Variants in KIAA1217 observed in about 807,000 individuals in gnomAD.
KIAA1217 encodes KIAA1217.
Under a neutral mutation model 163.9 loss-of-function variants are expected in KIAA1217, and 88 were observed. The observed-to-expected ratio is 0.54, with a 90% CI of 0.45 to 0.64. KIAA1217 has a LOEUF of 0.64. Ranked by LOEUF, KIAA1217 falls within the 30% of genes least tolerant of loss-of-function variation. KIAA1217 has a pLI of 0.00. For synonymous variants in KIAA1217, 903 were observed against 923.1 expected (o/e 0.98, Z 0.39); for missense variants, 2,372 against 2,475.0 (o/e 0.96, Z 0.88).
intron 2 of KIAA1217, among the ~76,000 whole-genome samples, chr10:24,285,210 T>A (rs1426662172): frequency 6.6e-6 from 1 of 152,256 alleles, no homozygotes; most frequent in Admixed American, 6.5e-5. Context: ...TCTTTTGCTG[T>A]GCAGAAGCTC....
intron 2 of KIAA1217, among the ~76,000 whole-genome samples, chr10:24,283,911 T>C (rs1490302367): frequency 1.4e-5 from 1 of 72,214 alleles, no homozygotes; most frequent in Non-Finnish European, 3.6e-5. Context: ...TTTCCTTTAT[T>C]TTTTTTTTAT....
chr10:24,326,491 G>A (rs892962592), intron 2 of KIAA1217, among the ~76,000 whole-genome samples: 3 of 152,058 alleles, frequency 2.0e-5, no homozygotes, highest in African/African-American at 7.2e-5. Flanking sequence ...TTATAAAATA[G>A]CTGTTGTAGT....
intron 10 of KIAA1217, among the ~76,000 whole-genome samples, chr10:24,517,693 C>T (rs1336924153): frequency 6.6e-6 from 1 of 152,054 alleles, no homozygotes; most frequent in Non-Finnish European, 1.5e-5. Context: ...GAAACTTGGG[C>T]CTAAAACTGT....
chr10:24,477,753 T>G (rs572349942), intron 6 of KIAA1217, among the ~76,000 whole-genome samples: 2 of 152,234 alleles, frequency 1.3e-5, no homozygotes, highest in Non-Finnish European at 2.9e-5. Flanking sequence ...CTTGGTAGAC[T>G]TCATTTTTTT....
intron 2 of KIAA1217, among the ~76,000 whole-genome samples, chr10:24,168,870 A>G (rs1408433729): frequency 2.6e-5 from 4 of 152,216 alleles, no homozygotes; most frequent in Non-Finnish European, 5.9e-5. Context: ...CAGAATCTAA[A>G]GAGGCCATTT....
At chr10:24,192,316 G>T in intron 2 of KIAA1217, among the ~76,000 whole-genome samples, 1 of 152,104 alleles carries the variant, frequency 6.6e-6, no homozygotes, top group Non-Finnish European at 1.5e-5. Flanking sequence ...TTTCTTCCAG[G>T]TATAGGGAGG....
chr10:24,083,261 CA>C (rs1468858006), intron 2 of KIAA1217, among the ~76,000 whole-genome samples: 3 of 152,200 alleles, frequency 2.0e-5, no homozygotes, highest in Non-Finnish European at 4.4e-5. Context: ...TTTTGTGCCA[CA>C]GATGACTATT....
intron 17 of KIAA1217, among the ~76,000 whole-genome samples, chr10:24,538,126 G>A (rs943456938): frequency 2.0e-5 from 3 of 152,158 alleles, no homozygotes; most frequent in Admixed American, 2.0e-4. Flanking sequence ...GTCCATGTAC[G>A]ACAGCTCAAG....
In KIAA1217 at chr10:23,719,279, T is replaced by C. The variant is rs374930392; in HGVS notation, c.-321+24045T>C. Among the ~76,000 whole-genome samples, 49 of 152,244 alleles carry C rather than the reference T, an allele frequency of 3.2e-4. 1 individual carries two copies. Among genetic ancestry groups the C allele is most frequent in the Middle Eastern group, 3.4e-3 (1 of 294 alleles). ...ATGATGAAGCCCCAAAACGTCTTAA[T>C]TGAAAGAAGTCTAGGCCTAGTCCGG... On this transcript the variant is annotated intron_variant, in intron 1 of 18. Coordinates refer to the KIAA1217 transcript ENST00000376462.
At chr10:23,889,866 ATTAATT>A (rs1268659136) in intron 1 of KIAA1217, among the ~76,000 whole-genome samples, 1 of 151,714 alleles carries the variant, frequency 6.6e-6, no homozygotes, top group Non-Finnish European at 1.5e-5. Context: ...ATTCATTTTT[ATTAATT>A]TTAGTATATT....
intron 3 of KIAA1217, among the ~76,000 whole-genome samples, chr10:24,430,211 C>T (rs1308197006): frequency 1.3e-5 from 2 of 152,190 alleles, no homozygotes; most frequent in African/African-American, 4.8e-5. Context: ...AGAGAGGACC[C>T]TCCAGTGTCC....
chr10:23,969,362 A>G (rs1589158586), intron 1 of KIAA1217, among the ~76,000 whole-genome samples: 1 of 152,160 alleles, frequency 6.6e-6, no homozygotes, highest in Non-Finnish European at 1.5e-5. Flanking sequence ...CATTTTGAGG[A>G]AAGGCCAAAC....
intron 2 of KIAA1217, among the ~76,000 whole-genome samples, chr10:24,186,761 G>A (rs2066451472): frequency 6.6e-6 from 1 of 152,094 alleles, no homozygotes; most frequent in South Asian, 2.1e-4. Context: ...ATGGTGGTGA[G>A]TGCCTGTAAT....
intron 8 of KIAA1217, among the ~76,000 whole-genome samples, chr10:24,497,601 T>G (rs772257582): frequency 1.3e-5 from 2 of 151,730 alleles, no homozygotes; most frequent in Non-Finnish European, 2.9e-5. Flanking sequence ...ATGTTTGTAG[T>G]CCCACATACT....
At chr10:24,383,629 G>A (rs943862627) in intron 3 of KIAA1217, among the ~76,000 whole-genome samples, 3 of 152,200 alleles carry the variant, frequency 2.0e-5, no homozygotes, top group African/African-American at 7.2e-5. Flanking sequence ...CCCTGTGAGG[G>A]GCTTTTTGGC....
chr10:23,925,089 T>C (rs1842972282), intron 1 of KIAA1217, among the ~76,000 whole-genome samples: 1 of 151,970 alleles, frequency 6.6e-6, no homozygotes. Flanking sequence ...AGTGTTCATA[T>C]TACTTAGAAA....
intron 1 of KIAA1217, among the ~76,000 whole-genome samples, chr10:23,743,570 G>A (rs1839236578): frequency 2.6e-5 from 4 of 152,164 alleles, no homozygotes; most frequent in Non-Finnish European, 5.9e-5. Flanking sequence ...GAGGAAATGA[G>A]GGTAGTTAGA....
intron 1 of KIAA1217, among the ~76,000 whole-genome samples, chr10:23,805,996 C>CAAAAAAAGAAAAAAAAAA (rs1836717859): frequency 3.3e-5 from 1 of 30,512 alleles, no homozygotes; most frequent in Non-Finnish European, 5.6e-5. Flanking sequence ...AACTCCATCT[C>CAAAAAAAGAAAAAAAAAA]AAAAAAAAAA....
chr10:24,228,921 T>C (rs769864476), intron 2 of KIAA1217, among the ~76,000 whole-genome samples: 16 of 152,266 alleles, frequency 1.1e-4, no homozygotes, highest in Non-Finnish European at 2.4e-4. Flanking sequence ...TCTATGTCTT[T>C]GTGACTTATT....
Sources: allele counts gnomAD v4.1 joint callset (sites outside exome capture counted in the v4.1 genomes callset), GRCh38; gene constraint gnomAD v4.1.1; transcripts MANE v1.5; gene names NCBI Gene and HGNC (gene_info 2026-07-23, HGNC 2026-07-21).